EDEM3: variants seen among roughly 807,000 people sequenced by gnomAD.
EDEM3 encodes ER degradation enhancing alpha-mannosidase like protein 3.
A neutral mutation model predicts 110.2 loss-of-function variants in EDEM3; 60 were observed. That is an observed-to-expected ratio of 0.54 (90% confidence interval 0.44 to 0.67). The LOEUF is 0.67. Among genes scored for constraint, EDEM3 ranks in the 30% least tolerant of loss-of-function variants. The pLI is 0.00. For synonymous variants in EDEM3, 352 were observed against 382.9 expected (o/e 0.92, Z 0.94); for missense variants, 996 against 1,121.0 (o/e 0.89, Z 1.59).
rs1430541006 is a variant in EDEM3, at chr1:184,691,691, T to G, written c.*2372A>C. 1.3e-5 allele frequency: 2 copies of G among 152,172 alleles called. No homozygotes were observed. The allele number at this position is 152,172 out of a possible 1,614,324, so 9.4% of individuals were successfully genotyped here. A position where few individuals can be genotyped will look rare whatever the true frequency, so the allele number is the denominator to read the frequency against. Reference sequence around the variant, plus strand: ...TCAAAAACTACTTTGTGGCAGTATGTCAAGTAAGTAAATGAATGTAGAGTT... The same window carrying G: ...TCAAAAACTACTTTGTGGCAGTATGGCAAGTAAGTAAATGAATGTAGAGTT... On this transcript the variant is annotated 3_prime_UTR_variant, in exon 20 of 20. Coordinates refer to ENST00000318130, the MANE Select transcript of EDEM3 (RefSeq NM_025191.4).
At chr1:184,702,721 CA>C in intron 19 of EDEM3, 89 bp downstream of exon 19, 2 of 1,140,908 alleles carry the variant, frequency 1.8e-6, no homozygotes, top group Non-Finnish European at 2.3e-6. Context: ...GTGAACCCCC[CA>C]AAACAATTTT....
Position 184,723,865 on chromosome 1 carries a change from TAAAAAAA to T in EDEM3, c.748-16_748-10del. On this transcript the variant is annotated splice_polypyrimidine_tract_variant and intron_variant, in intron 7 of 19. Transcript: ENST00000318130. ...GCTTTTCTGGCATATTCCTGTAATTTAAAAAAAAAAAAAAAAAAAAGAAGTGCATATT... is the reference window on the plus strand; with the variant it reads ...GCTTTTCTGGCATATTCCTGTAATTTAAAAAAAAAAAAAGAAGTGCATATT... 5 of 1,090,552 alleles carry T rather than the reference TAAAAAAA, an allele frequency of 4.6e-6. No individual in the cohort carries two copies. The highest frequency in any genetic ancestry group is 3.8e-5 in the South Asian group (2 of 52,036). The allele number at this position is 1,090,552 out of a possible 1,614,324, so 67.6% of individuals were successfully genotyped here.
At position 184,706,528 on chromosome 1, in the gene EDEM3, G is replaced by A; in HGVS notation, c.2203+115C>T. The stretch of plus-strand genomic sequence containing the variant: ...TGGATTACCTATCCTTGTTGTCTAG[G>A]TGAGGTAAAAAAAACTATGACAAAC... On this transcript the variant is annotated intron_variant, in intron 18 of 19. Coordinates refer to ENST00000318130, the MANE Select transcript of EDEM3 (RefSeq NM_025191.4). The A allele has an allele frequency of 3.4e-6, 3 of 881,300 alleles. 1 individual carries two copies. The South Asian group carries it at 6.7e-5, about 20-fold the overall frequency. The allele number at this position is 881,300 out of a possible 1,614,324, so 54.6% of individuals were successfully genotyped here.
intron 17 of EDEM3, 146 bp downstream of exon 17, chr1:184,708,007 G>A: frequency 1.4e-6 from 1 of 707,344 alleles, no homozygotes; most frequent in Non-Finnish European, 2.2e-6. Context: ...TTCAAGACAT[G>A]CTTTTACTTT....
intron 1 of EDEM3, among the ~76,000 whole-genome samples, chr1:184,753,196 C>T (rs992300589): frequency 1.3e-5 from 2 of 151,754 alleles, no homozygotes; most frequent in Non-Finnish European, 2.9e-5. Context: ...TTTTTCTGAG[C>T]TCAGATTTTT....
chr1:184,706,041 A>G (rs1263845547), intron 18 of EDEM3, among the ~76,000 whole-genome samples: 1 of 152,186 alleles, frequency 6.6e-6, no homozygotes, highest in East Asian at 1.9e-4. Flanking sequence ...TATGTCTGCT[A>G]TTATGCCAAG....
At chr1:184,707,238 C>G (rs1190851844) in intron 17 of EDEM3, among the ~76,000 whole-genome samples, 1 of 152,028 alleles carries the variant, frequency 6.6e-6, no homozygotes, top group Non-Finnish European at 1.5e-5. Context: ...TCATTGGTAA[C>G]AAGAAAAGTT....
chr1:184,734,419 A>G, intron 5 of EDEM3, 112 bp downstream of exon 5: 1 of 331,638 alleles, frequency 3.0e-6, no homozygotes, highest in Non-Finnish European at 5.2e-6. Context: ...CAGTAAGCCA[A>G]GATTGTCACT....
In EDEM3 at chr1:184,727,161, G is replaced by A. The variant is rs532690586; in HGVS notation, c.613-772C>T. ...ACAAAAATCAGCCAGGCATGGTTGC[G>A]TGTGCCTGTAATCCCAGCTACCTGG... is the stretch of plus-strand genomic sequence containing the variant. On this transcript the variant is annotated intron_variant, in intron 6 of 19. Coordinates refer to ENST00000318130, the MANE Select transcript of EDEM3 (RefSeq NM_025191.4). 2.3e-3 allele frequency among the ~76,000 whole-genome samples: 347 copies of A among 152,246 alleles called. 1 individual carries two copies. Among genetic ancestry groups the A allele is most frequent in the African/African-American group, 8.0e-3 (334 of 41,540 alleles).
intron 16 of EDEM3, among the ~76,000 whole-genome samples, chr1:184,709,080 G>A (rs1650087633): frequency 6.6e-6 from 1 of 152,176 alleles, no homozygotes; most frequent in Admixed American, 6.6e-5. Flanking sequence ...GGAACTGGAA[G>A]AGAAGAAGAG....
chr1:184,719,617 A>T (rs1558054681), intron 9 of EDEM3, 49 bp from the exon 10 acceptor site: 1 of 1,580,782 alleles, frequency 6.3e-7, no homozygotes, highest in Non-Finnish European at 8.6e-7. Context: ...AAAAAGAGGT[A>T]CTACTCTAAA....
At chr1:184,747,920 T>G (rs982894456) in intron 2 of EDEM3, among the ~76,000 whole-genome samples, 4 of 152,228 alleles carry the variant, frequency 2.6e-5, no homozygotes, top group Admixed American at 6.5e-5. Flanking sequence ...TCCTATTCAT[T>G]GTGAGAAACT....
chr1:184,753,802 T>C (rs1315384663), intron 1 of EDEM3, among the ~76,000 whole-genome samples: 1 of 152,206 alleles, frequency 6.6e-6, no homozygotes, highest in African/African-American at 2.4e-5. Context: ...TTCCTACTGG[T>C]TCTTCGCTTT....
At chr1:184,727,267 G>A (rs1651242845) in intron 6 of EDEM3, among the ~76,000 whole-genome samples, 1 of 152,200 alleles carries the variant, frequency 6.6e-6, no homozygotes. Context: ...TCCAGCCTGT[G>A]TGACAGAGCA....
intron 2 of EDEM3, among the ~76,000 whole-genome samples, chr1:184,742,094 A>C (rs1652176144): frequency 6.6e-6 from 1 of 152,200 alleles, no homozygotes; most frequent in Non-Finnish European, 1.5e-5. Context: ...AACTCATAGC[A>C]AATTAGCAGC....
At chr1:184,699,437 GA>G (rs1355509067) in intron 19 of EDEM3, among the ~76,000 whole-genome samples, 1 of 151,840 alleles carries the variant, frequency 6.6e-6, no homozygotes, top group Admixed American at 6.6e-5. Context: ...GCGCAAATGT[GA>G]AAATGCATGA....
chr1:184,743,227 A>T lies in EDEM3; in HGVS notation c.205-5516T>A, dbSNP rs114627038. Among the ~76,000 whole-genome samples, 425 of 152,308 alleles carry T rather than the reference A, an allele frequency of 2.8e-3. 5 individuals are homozygous for T. The East Asian group carries it at 0.035, about 13-fold the overall frequency. On this transcript the variant is annotated intron_variant, in intron 2 of 19. Transcript: ENST00000318130. ...GTTAACCACAAAGCAAACTACAGAC[A>T]GTTTGCACAAATTCAGAGCAATGCA...
chr1:184,728,437 A>G (rs1366646319), intron 6 of EDEM3, among the ~76,000 whole-genome samples: 1 of 152,156 alleles, frequency 6.6e-6, no homozygotes, highest in Non-Finnish European at 1.5e-5. Context: ...AATACTTTGA[A>G]TCATGAGCGT....
intron 19 of EDEM3, among the ~76,000 whole-genome samples, chr1:184,698,172 G>A (rs1197936974): frequency 2.0e-5 from 3 of 151,748 alleles, no homozygotes; most frequent in Admixed American, 6.6e-5. Context: ...ATATCTTGCT[G>A]GAAAGGATGT....
Sources: allele counts gnomAD v4.1 joint callset (sites outside exome capture counted in the v4.1 genomes callset), GRCh38; gene constraint gnomAD v4.1.1; transcripts MANE v1.5; gene names NCBI Gene and HGNC (gene_info 2026-07-23, HGNC 2026-07-21).